Variants in TMEM165 observed in about 807,000 individuals in gnomAD.
TMEM165 encodes the protein putative divalent cation/proton antiporter TMEM165.
Under a neutral mutation model 30.0 loss-of-function variants are expected in TMEM165, and 19 were observed. The ratio of observed to expected loss-of-function variants is 0.63; its 90% confidence interval spans 0.44 to 0.93. The LOEUF is 0.93. Among genes scored for constraint, TMEM165 ranks in the 40% least tolerant of loss-of-function variants. TMEM165 has a pLI of 0.00. For missense variants in TMEM165, 340 were observed against 417.0 expected, an observed-to-expected ratio of 0.82 and a Z score of 1.61; for synonymous variants, 168 against 162.9, an observed-to-expected ratio of 1.03 and a Z score of -0.24.
rs70965446 is a variant in TMEM165, at chr4:55,435,188, T to C, written c.408+10545T>C. 1.8e-3 allele frequency: 1,016 copies of C among 559,472 alleles called. 6 individuals carry two copies. Among genetic ancestry groups the C allele is most frequent in the South Asian group, 3.9e-3 (192 of 48,632 alleles). The allele number at this position is 559,472 out of a possible 1,614,324, so 34.7% of individuals were successfully genotyped here. ...AAAAATATCCAGGCACCTAAAACAC[T>C]GTCAGAACTGGCTATGCCCCTATGA... On this transcript the variant is annotated intron_variant, in intron 3 of 3. Transcript: ENST00000608091.
chr4:55,417,235 G>A lies in TMEM165; in HGVS notation c.597G>A (p.Lys199=). 6.2e-7 allele frequency: 1 copy of A among 1,611,548 alleles called. No homozygotes were observed. Among genetic ancestry groups the A allele is most frequent in the Non-Finnish European group, 8.5e-7 (1 of 1,179,300 alleles). The change falls in exon 3 of 6, where the codon AAG becomes AAA. Residue 199 remains lysine (K), a synonymous_variant. Coordinates refer to ENST00000381334, the MANE Select transcript of TMEM165 (RefSeq NM_018475.5). ...AAGAAGTTCAAGCTGAATTAAAGAA[G>A]AAAGATGAAGAAGTAAGCCATGGCA... The part of the protein sequence containing the change: ...ELEEVQAELK[K]KDEEFQRTKL...
At chr4:55,400,027 T>TA (rs1553884867) in intron 1 of TMEM165, among the ~76,000 whole-genome samples, 1 of 145,652 alleles carries the variant, frequency 6.9e-6, no homozygotes, top group Non-Finnish European at 1.5e-5. Context: ...TTTTTTTTTT[T>TA]AGAGACAGGG....
At chr4:55,447,109 G>T (rs1374800643) in intron 3 of TMEM165, among the ~76,000 whole-genome samples, 1 of 151,488 alleles carries the variant, frequency 6.6e-6, no homozygotes, top group African/African-American at 2.4e-5. Flanking sequence ...GCTCACAGCT[G>T]TAATCCCAGG....
chr4:55,418,095 A>G, intron 4 of TMEM165, 110 bp downstream of exon 4: 1 of 1,028,292 alleles, frequency 9.7e-7, no homozygotes, highest in Non-Finnish European at 1.4e-6. Flanking sequence ...TTCATATGCA[A>G]GACTGTTTTA....
intron 3 of TMEM165, chr4:55,449,965 AC>A: frequency 8.7e-7 from 1 of 1,152,118 alleles, no homozygotes; most frequent in Non-Finnish European, 1.3e-6. Context: ...TGGAAAGGTT[AC>A]TACATTTCAG....
intron 5 of TMEM165, 76 bp from the exon 6 acceptor site, chr4:55,425,300 C>T (rs753179826): frequency 7.9e-5 from 97 of 1,227,486 alleles, no homozygotes; most frequent in Non-Finnish European, 9.9e-5. Context: ...GCCGCCTCAT[C>T]GGCTCCCTTT....
intron 3 of TMEM165, chr4:55,444,856 A>G: frequency 6.8e-7 from 1 of 1,476,836 alleles, no homozygotes; most frequent in East Asian, 2.4e-5. Flanking sequence ...GCACAACATG[A>G]AAAGTAAGCA....
intron 1 of TMEM165, among the ~76,000 whole-genome samples, chr4:55,409,595 G>A (rs182842482): frequency 2.3e-4 from 35 of 152,264 alleles, no homozygotes; most frequent in South Asian, 1.2e-3. Flanking sequence ...ATGTTTAGCA[G>A]CGTTTCTGGC....
intron 1 of TMEM165, among the ~76,000 whole-genome samples, chr4:55,409,353 T>C (rs1721392383): frequency 6.6e-6 from 1 of 152,220 alleles, no homozygotes; most frequent in Admixed American, 6.5e-5. Flanking sequence ...CTAGGGCCTT[T>C]GTAATAAATC....
intron 1 of TMEM165, among the ~76,000 whole-genome samples, chr4:55,402,119 C>CAAAAAAAAAAAAAAAAAAAAAAA (rs71194551): frequency 2.8e-5 from 3 of 106,988 alleles, no homozygotes; most frequent in African/African-American, 1.5e-4. Flanking sequence ...ACTCTGTCTC[C>CAAAAAAAAAAAAAAAAAAAAAAA]AAAAAAAAAA....
intron 3 of TMEM165, among the ~76,000 whole-genome samples, chr4:55,437,474 T>C (rs895873319): frequency 2.6e-5 from 4 of 152,218 alleles, no homozygotes; most frequent in Non-Finnish European, 5.9e-5. Flanking sequence ...GTGACTTTCT[T>C]CTGTATCCTA....
intron 3 of TMEM165, chr4:55,444,783 A>T: frequency 6.2e-7 from 1 of 1,613,996 alleles, no homozygotes; most frequent in Non-Finnish European, 8.5e-7. Flanking sequence ...CTGAAAACTG[A>T]AACTGAAGTA....
chr4:55,437,674 C>A (rs150288378), intron 3 of TMEM165, among the ~76,000 whole-genome samples: 1 of 152,184 alleles, frequency 6.6e-6, no homozygotes, highest in Non-Finnish European at 1.5e-5. Flanking sequence ...CCACTTTACA[C>A]GTGACGTTTA....
At chr4:55,443,939 A>C in intron 3 of TMEM165, 1 of 1,566,426 alleles carries the variant, frequency 6.4e-7, no homozygotes. Flanking sequence ...TTGTAGATTG[A>C]AAAGAAGAAT....
chr4:55,405,705 T>A (rs1721240491), intron 1 of TMEM165, among the ~76,000 whole-genome samples: 1 of 152,200 alleles, frequency 6.6e-6, no homozygotes, highest in Non-Finnish European at 1.5e-5. Flanking sequence ...TTTCCTTCTC[T>A]TATTTGTCTT....
chr4:55,453,015 G>A (rs372745916), exon 4 of TMEM165: 1 of 1,383,152 alleles, frequency 7.2e-7, no homozygotes, highest in South Asian at 1.3e-5. Context: ...TTATTGGGGA[G>A]AAATTAAAAA....
chr4:55,428,973 CTTTTTTT>C (rs35261810), downstream of TMEM165: 1 of 125,750 alleles, frequency 8.0e-6, no homozygotes, highest in African/African-American at 2.9e-5. Flanking sequence ...GCTGACACAT[CTTTTTTT>C]TTTTTTTTTT....
At chr4:55,424,453 A>AT in intron 4 of TMEM165, 85 bp from the exon 5 acceptor site, 1 of 805,130 alleles carries the variant, frequency 1.2e-6, no homozygotes, top group African/African-American at 1.7e-5. Context: ...GTTGGCCACC[A>AT]TTTTTAGTGC....
intron 3 of TMEM165, among the ~76,000 whole-genome samples, chr4:55,446,663 C>G (rs1723875930): frequency 6.6e-6 from 1 of 152,196 alleles, no homozygotes; most frequent in South Asian, 2.1e-4. Context: ...TTACTTGAGT[C>G]ATGAGCAGCT....
Sources: gnomAD v4.1 joint callset for allele counts (sites outside exome capture counted in the v4.1 genomes callset) on GRCh38, gnomAD v4.1.1 for gene constraint, MANE v1.5 for transcripts, NCBI Gene and HGNC (gene_info 2026-07-23, HGNC 2026-07-21) for gene names.